KPNA1: variants seen among roughly 807,000 people sequenced by gnomAD.
KPNA1 encodes karyopherin subunit alpha 1, also known as importin subunit alpha-5.
A neutral mutation model predicts 70.5 loss-of-function variants in KPNA1; 10 were observed. The observed-to-expected ratio is 0.14, with a 90% confidence interval of 0.09 to 0.24. KPNA1 has a LOEUF of 0.24. KPNA1 is among the 10% of genes least tolerant of loss of function. The pLI is 1.00. For synonymous variants in KPNA1, 192 were observed against 221.9 expected (o/e 0.87, Z 1.20); for missense variants, 397 against 637.9 (o/e 0.62, Z 4.07).
At chr3:122,470,513 AAAATAAATAAAC>A (rs2076429367) in intron 2 of KPNA1, among the ~76,000 whole-genome samples, 1 of 151,954 alleles carries the variant, frequency 6.6e-6, no homozygotes, top group South Asian at 2.1e-4. Context: ...CTCCGTCTCA[AAAATAAATAAAC>A]AAATAAATAA....
chr3:122,490,287 G>A lies in KPNA1; in HGVS notation c.129+6150C>T, dbSNP rs146362652. ...GCGAGGCTGTGGGCTCTGCCTTAGC[G>A]CCTCTTTCTATGTTTACAACTAGAA... On this transcript the variant is annotated intron_variant, in intron 2 of 13. Coordinates refer to ENST00000344337, the MANE Select transcript of KPNA1 (RefSeq NM_002264.4). Among the ~76,000 whole-genome samples, 411 of 152,292 alleles carry A rather than the reference G, an allele frequency of 2.7e-3. 4 individuals carry two copies. Among genetic ancestry groups the A allele is most frequent in the African/African-American group, 9.7e-3 (402 of 41,572 alleles).
At chr3:122,434,468 G>A (rs368446766) in intron 11 of KPNA1, among the ~76,000 whole-genome samples, 1 of 152,150 alleles carries the variant, frequency 6.6e-6, no homozygotes, top group Non-Finnish European at 1.5e-5. Context: ...TCTCACTGGA[G>A]CATCAGCCCA....
At chr3:122,475,844 G>C (rs1181286939) in intron 2 of KPNA1, among the ~76,000 whole-genome samples, 1 of 152,168 alleles carries the variant, frequency 6.6e-6, no homozygotes, top group Non-Finnish European at 1.5e-5. Context: ...ATAAGGAAGA[G>C]AAAATATAGT....
chr3:122,465,132 TATA>T (rs149560539), intron 3 of KPNA1, among the ~76,000 whole-genome samples: 201 of 152,310 alleles, frequency 1.3e-3, no homozygotes, highest in African/African-American at 4.8e-3. Context: ...AACTTTACAT[TATA>T]ATATTTAAGT....
At chr3:122,459,994 G>C (rs1350503657) in intron 5 of KPNA1, 6 of 985,328 alleles carry the variant, frequency 6.1e-6, no homozygotes, top group South Asian at 9.4e-5. Context: ...CAGCCTTAGA[G>C]TAAAGAACAG....
intron 5 of KPNA1, chr3:122,460,236 A>T: frequency 1.0e-6 from 1 of 985,420 alleles, no homozygotes; most frequent in Non-Finnish European, 1.2e-6. Context: ...TTTACTAAAA[A>T]ATCATCAGTT....
At chr3:122,481,382 C>G (rs2076569085) in intron 2 of KPNA1, among the ~76,000 whole-genome samples, 1 of 152,198 alleles carries the variant, frequency 6.6e-6, no homozygotes, top group Admixed American at 6.5e-5. Context: ...ATGGATCAAT[C>G]TTTAACACAC....
intron 5 of KPNA1, among the ~76,000 whole-genome samples, chr3:122,456,460 G>C (rs565819028): frequency 4.9e-4 from 75 of 152,234 alleles, no homozygotes; most frequent in African/African-American, 1.7e-3. Flanking sequence ...ATAATAACCT[G>C]GGTATACAGG....
intron 1 of KPNA1, among the ~76,000 whole-genome samples, chr3:122,505,325 T>C (rs1357395711): frequency 6.7e-6 from 1 of 149,836 alleles, no homozygotes; most frequent in African/African-American, 2.5e-5. Context: ...GCATCTGCAG[T>C]TGAAAATCAC....
At chr3:122,478,741 A>T (rs2076535104) in intron 2 of KPNA1, among the ~76,000 whole-genome samples, 1 of 151,134 alleles carries the variant, frequency 6.6e-6, no homozygotes, top group Non-Finnish European at 1.5e-5. Flanking sequence ...AAAAAAAAAA[A>T]AAAATTAGCC....
At chr3:122,464,572 T>C (rs1015870313) in intron 3 of KPNA1, among the ~76,000 whole-genome samples, 8 of 152,220 alleles carry the variant, frequency 5.3e-5, no homozygotes, top group African/African-American at 1.4e-4. Flanking sequence ...GCAATACTTA[T>C]TGAGTGAGTA....
intron 3 of KPNA1, among the ~76,000 whole-genome samples, chr3:122,465,365 T>G (rs1243596080): frequency 6.6e-6 from 1 of 152,166 alleles, no homozygotes; most frequent in Non-Finnish European, 1.5e-5. Context: ...TCAGAACACA[T>G]ACATTAGCCT....
intron 2 of KPNA1, among the ~76,000 whole-genome samples, chr3:122,479,801 C>T (rs1012718886): frequency 2.0e-5 from 3 of 152,072 alleles, no homozygotes; most frequent in East Asian, 3.9e-4. Context: ...GGATCAGCAA[C>T]AATACTCCTT....
intron 2 of KPNA1, among the ~76,000 whole-genome samples, chr3:122,491,938 T>G (rs1195296331): frequency 1.5e-5 from 2 of 132,936 alleles, no homozygotes; most frequent in South Asian, 2.6e-4. Flanking sequence ...CTCGACTCAC[T>G]GCAAGCTCCG....
rs1033156907 is a variant in KPNA1, at chr3:122,467,653, G to A, written c.130-224C>T. On this transcript the variant is annotated intron_variant, in intron 2 of 13. Transcript: ENST00000344337. ...CATGCTATAAACAACACTTGATAAT[G>A]TAAAACTTACTAAGAGAGGTCTGAC... Among the ~76,000 whole-genome samples the A allele has an allele frequency of 3.7e-4, 56 of 151,584 alleles. 1 individual carries two copies. The highest frequency in any genetic ancestry group is 3.3e-4 in the Admixed American group (5 of 15,252).
intron 12 of KPNA1, among the ~76,000 whole-genome samples, chr3:122,432,289 C>T (rs990677247): frequency 6.6e-6 from 1 of 152,168 alleles, no homozygotes; most frequent in Non-Finnish European, 1.5e-5. Flanking sequence ...AAAAAACCTA[C>T]AAGACAAATG....
At chr3:122,469,787 G>A (rs1381118576) in intron 2 of KPNA1, among the ~76,000 whole-genome samples, 1 of 151,858 alleles carries the variant, frequency 6.6e-6, no homozygotes, top group Non-Finnish European at 1.5e-5. Flanking sequence ...AAAAGACAAG[G>A]GTAAAAACAC....
chr3:122,497,452 G>A (rs1250464221), intron 1 of KPNA1, among the ~76,000 whole-genome samples: 2 of 152,206 alleles, frequency 1.3e-5, no homozygotes, highest in Non-Finnish European at 2.9e-5. Flanking sequence ...ATCTAAAATT[G>A]CTAGGTCATA....
chr3:122,442,186 AT>A, intron 9 of KPNA1, 70 bp from the exon 10 acceptor site: 1 of 1,204,328 alleles, frequency 8.3e-7, no homozygotes, highest in Admixed American at 1.9e-5. Context: ...CAAGACCAAA[AT>A]TAAAAAACAA....
Sources: gnomAD v4.1 joint callset for allele counts (sites outside exome capture counted in the v4.1 genomes callset) on GRCh38, gnomAD v4.1.1 for gene constraint, MANE v1.5 for transcripts, NCBI Gene and HGNC (gene_info 2026-07-23, HGNC 2026-07-21) for gene names.